TRIM33: variants seen among roughly 807,000 people sequenced by gnomAD.
The protein encoded by TRIM33 is E3 ubiquitin-protein ligase TRIM33.
Under a neutral mutation model 125.4 loss-of-function variants are expected in TRIM33, and 20 were observed. The observed-to-expected ratio is 0.16, with a 90% CI of 0.11 to 0.23. The LOEUF is 0.23. Among genes scored for constraint, TRIM33 ranks in the 10% least tolerant of loss-of-function variants. The pLI is 1.00. For missense variants in TRIM33, 920 were observed against 1,411.4 expected (o/e 0.65, Z 5.58); for synonymous variants, 564 against 513.9 (o/e 1.10, Z -1.32).
At chr1:114,490,376 A>G (rs1020203020) in intron 1 of TRIM33, among the ~76,000 whole-genome samples, 4 of 152,174 alleles carry the variant, frequency 2.6e-5, no homozygotes, top group Non-Finnish European at 5.9e-5. Flanking sequence ...AGCTACAATA[A>G]AAAAGATAAC....
chr1:114,490,311 C>T (rs1651986193), intron 1 of TRIM33, among the ~76,000 whole-genome samples: 1 of 152,008 alleles, frequency 6.6e-6, no homozygotes, highest in African/African-American at 2.4e-5. Flanking sequence ...TCATTAGCCA[C>T]AAAAGAAATG....
intron 4 of TRIM33, among the ~76,000 whole-genome samples, chr1:114,443,333 G>A (rs1291510418): frequency 7.9e-5 from 12 of 152,106 alleles, no homozygotes; most frequent in Admixed American, 5.2e-4. Flanking sequence ...GCAGTGAGCC[G>A]AGACCATGCC....
At chr1:114,482,213 TACC>T (rs1206103830) in intron 1 of TRIM33, among the ~76,000 whole-genome samples, 4 of 152,174 alleles carry the variant, frequency 2.6e-5, no homozygotes, top group African/African-American at 9.7e-5. Context: ...GGCCATTAGG[TACC>T]ACATTTAACA....
At chr1:114,414,923 T>C (rs911756429) in intron 11 of TRIM33, among the ~76,000 whole-genome samples, 3 of 151,636 alleles carry the variant, frequency 2.0e-5, no homozygotes, top group African/African-American at 7.3e-5. Context: ...ACAACTAACA[T>C]TTATTAAATA....
In TRIM33 at chr1:114,394,348, T is replaced by C. The variant is rs1651431014; in HGVS notation, c.*3300A>G. 4.4e-6 allele frequency: 1 copy of C among 225,538 alleles called. No individual in the cohort carries two copies. The highest frequency in any genetic ancestry group is 1.8e-4 in the South Asian group (1 of 5,460). 14.0% of individuals were successfully genotyped at this position (225,538 alleles called of 1,614,324 possible). On this transcript the variant is annotated 3_prime_UTR_variant, in exon 20 of 20. Transcript: ENST00000358465. ...TCCCATTTTGGATAGTAAGAGACCA[T>C]TTAATAACATACAGTAGGCCACAAT...
Position 114,396,945 on chromosome 1 carries a change from C to T in TRIM33, c.*703G>A, listed in dbSNP as rs1651569019. On this transcript the variant is annotated 3_prime_UTR_variant, in exon 20 of 20. Transcript: ENST00000358465. Reference sequence around the variant, plus strand: ...AACAACTACTATAACTCTAAATAATCCACTAATGAAAAGTTACCATTTTTG... The same window carrying T: ...AACAACTACTATAACTCTAAATAATTCACTAATGAAAAGTTACCATTTTTG... The T allele has an allele frequency of 4.6e-6, 1 of 215,774 alleles. No homozygotes were observed. Among genetic ancestry groups the T allele is most frequent in the Non-Finnish European group, 9.4e-6 (1 of 106,912 alleles). 13.4% of individuals were successfully genotyped at this position (215,774 alleles called of 1,614,324 possible). A position where few individuals can be genotyped will look rare whatever the true frequency, so the allele number is the denominator to read the frequency against.
At chr1:114,462,386 T>C (rs1650052298) in intron 4 of TRIM33, among the ~76,000 whole-genome samples, 1 of 152,238 alleles carries the variant, frequency 6.6e-6, no homozygotes, top group Non-Finnish European at 1.5e-5. Context: ...TTATACATTT[T>C]TGGCAATAGA....
chr1:114,455,599 G>C (rs35817608), intron 4 of TRIM33, among the ~76,000 whole-genome samples: 23,792 of 152,100 alleles, frequency 0.16, 2,031 homozygotes, highest in Non-Finnish European at 0.19. Flanking sequence ...ATTTATCCCA[G>C]GAAGATGGAA....
At chr1:114,408,580 T>G (rs577473096) in intron 13 of TRIM33, 97 bp downstream of exon 13, 1 of 736,176 alleles carries the variant, frequency 1.4e-6, no homozygotes, top group African/African-American at 1.8e-5. Flanking sequence ...AGCTGAGTGT[T>G]AAGTATAAAG....
Position 114,424,630 on chromosome 1 carries a change from G to A in TRIM33, c.1821C>T (p.Gly607=), listed in dbSNP as rs1184655402. 2 of 1,607,772 alleles carry A rather than the reference G, an allele frequency of 1.2e-6. No individual in the cohort carries two copies. Among genetic ancestry groups the A allele is most frequent in the South Asian group, 2.2e-5 (2 of 89,896 alleles). ...ARIPGIPRHS[G]PQYSMMQPHL... is the part of the protein sequence containing the mutation. ...GTGGCTGCATCATGGAATATTGAGG[G>A]CCGCTGTGCCTGGGTATCCCTGGTA... is the stretch of plus-strand genomic sequence containing the variant. Residue 607 remains glycine, a synonymous_variant, in exon 10 of 20, where the codon GGC becomes GGT. Transcript: ENST00000358465.
At chr1:114,452,230 G>C (rs533517289) in intron 4 of TRIM33, among the ~76,000 whole-genome samples, 26 of 152,144 alleles carry the variant, frequency 1.7e-4, no homozygotes, top group South Asian at 6.2e-4. Flanking sequence ...TCCCAGCACT[G>C]GTGGGCGGAT....
At chr1:114,493,281 T>G (rs1276345539) in intron 1 of TRIM33, among the ~76,000 whole-genome samples, 1 of 152,246 alleles carries the variant, frequency 6.6e-6, no homozygotes, top group Non-Finnish European at 1.5e-5. Flanking sequence ...GTTCTTTATA[T>G]ATTTCACTAT....
Position 114,402,699 on chromosome 1 carries a change from G to A in TRIM33, c.2892+61C>T. 34 of 1,551,614 alleles carry A rather than the reference G, an allele frequency of 2.2e-5. 1 individual carries two copies. Among genetic ancestry groups the A allele is most frequent in the Non-Finnish European group, 3.0e-5 (34 of 1,150,832 alleles). ...TGTATGCTACACAGGAAAAAAAAAG[G>A]TGTATATATAGGCAGACAACTACTG... On this transcript the variant is annotated intron_variant, in intron 16 of 19. Transcript: ENST00000358465.
chr1:114,421,248 G>A (rs1375694119), intron 11 of TRIM33, among the ~76,000 whole-genome samples, 188 bp downstream of exon 11: 1 of 151,998 alleles, frequency 6.6e-6, no homozygotes, highest in African/African-American at 2.4e-5. Flanking sequence ...CGGGGAATGC[G>A]GAAAGAGAGG....
intron 11 of TRIM33, among the ~76,000 whole-genome samples, chr1:114,413,577 A>AAGAAAAAGACTTTTTC (rs1652727770): frequency 7.8e-6 from 1 of 128,946 alleles, no homozygotes; most frequent in African/African-American, 3.3e-5. Context: ...AAAAAAAGAA[A>AAGAAAAAGACTTTTTC]AGAAAAGAAA....
intron 4 of TRIM33, among the ~76,000 whole-genome samples, chr1:114,441,048 C>T (rs981018137): frequency 6.6e-6 from 1 of 152,210 alleles, no homozygotes; most frequent in African/African-American, 2.4e-5. Flanking sequence ...TGGCTCACCC[C>T]GTAATCCGCA....
At chr1:114,478,425 A>AT (rs1218260852) in intron 1 of TRIM33, among the ~76,000 whole-genome samples, 2 of 152,186 alleles carry the variant, frequency 1.3e-5, no homozygotes, top group Non-Finnish European at 2.9e-5. Context: ...GATCAACCAC[A>AT]TTAATACAAA....
At chr1:114,471,493 C>G (rs989890813) in intron 1 of TRIM33, among the ~76,000 whole-genome samples, 4 of 149,780 alleles carry the variant, frequency 2.7e-5, no homozygotes, top group Non-Finnish European at 5.9e-5. Context: ...AACACAATTT[C>G]CATATTAAAA....
intron 1 of TRIM33, among the ~76,000 whole-genome samples, chr1:114,487,754 G>A (rs550386876): frequency 3.2e-4 from 48 of 150,592 alleles, no homozygotes; most frequent in Non-Finnish European, 5.8e-4. Context: ...AAAATTAGCC[G>A]GGCGCGGTGG....
Sources: allele counts gnomAD v4.1 joint callset (sites outside exome capture counted in the v4.1 genomes callset), GRCh38; gene constraint gnomAD v4.1.1; transcripts MANE v1.5; gene names NCBI Gene and HGNC (gene_info 2026-07-23, HGNC 2026-07-21).